The following ZNF500 variants were observed in gnomAD, a reference collection of about 807,000 sequenced individuals.
ZNF500 encodes zinc finger protein 500, also known as zinc finger protein with KRAB and SCAN domains 18.
ZNF500 carries 31 observed loss-of-function variants against 30.1 expected under a neutral mutation model. The ratio of observed to expected loss-of-function variants is 1.03; its 90% CI spans 0.77 to 1.39. The LOEUF (loss-of-function observed/expected upper bound fraction) is 1.39. Ranked by LOEUF, ZNF500 falls within the 40% of genes most tolerant of loss-of-function variation. ZNF500 has a pLI of 0.00. For missense variants in ZNF500, 817 were observed against 657.8 expected, an observed-to-expected ratio of 1.24 and a Z score of -2.65; for synonymous variants, 392 against 282.0, an observed-to-expected ratio of 1.39 and a Z score of -3.91.
chr16:4,753,969 G>A (rs2082111011), intron 5 of ZNF500, among the ~76,000 whole-genome samples: 1 of 152,350 alleles, frequency 6.6e-6, no homozygotes, highest in South Asian at 2.1e-4. Flanking sequence ...ACCACCAACA[G>A]GACAGGAGAA....
At chr16:4,746,944 C>A, downstream of ZNF500, 1 of 1,563,626 alleles carries the variant, frequency 6.4e-7, no homozygotes, top group Non-Finnish European at 8.6e-7. Context: ...CACAGCTCCT[C>A]TGACAGTGAG....
intron 4 of ZNF500, among the ~76,000 whole-genome samples, chr16:4,760,845 G>A (rs1016604190): frequency 1.3e-5 from 2 of 152,112 alleles, no homozygotes; most frequent in South Asian, 4.2e-4. Context: ...TGGACCCACT[G>A]CACACTCAGC....
chr16:4,754,516 T>C (rs1271751649), intron 5 of ZNF500, among the ~76,000 whole-genome samples: 1 of 151,640 alleles, frequency 6.6e-6, no homozygotes, highest in African/African-American at 2.4e-5. Context: ...ATAAAAAAAT[T>C]AGTTGGGGGT....
At chr16:4,760,836 G>A (rs2082190607) in intron 4 of ZNF500, among the ~76,000 whole-genome samples, 1 of 152,086 alleles carries the variant, frequency 6.6e-6, no homozygotes, top group South Asian at 2.1e-4. Context: ...GAGGAGTGGT[G>A]GACCCACTGC....
chr16:4,745,034 G>C (rs200245581), downstream of ZNF500: 8 of 1,608,168 alleles, frequency 5.0e-6, no homozygotes, highest in Middle Eastern at 1.6e-4. Flanking sequence ...GCCAGGCCCG[G>C]CTCCTGTGGT....
downstream of ZNF500, chr16:4,746,868 C>G (rs930633421): frequency 8.4e-5 from 121 of 1,437,890 alleles, no homozygotes; most frequent in Non-Finnish European, 1.0e-4. Flanking sequence ...CAAGCCCCAA[C>G]AAGAGTTGGA....
downstream of ZNF500, chr16:4,746,225 TA>T: frequency 1.2e-6 from 1 of 837,384 alleles, no homozygotes; most frequent in Non-Finnish European, 1.8e-6. Context: ...TTCTGAAGAG[TA>T]AAAGAGCAAA....
intron 2 of ZNF500, chr16:4,763,932 G>T (rs1030971767): frequency 3.0e-6 from 3 of 985,348 alleles, no homozygotes; most frequent in African/African-American, 3.5e-5. Flanking sequence ...AAGGCAGCTG[G>T]TCAGCACTGC....
chr16:4,751,160 C>T lies in ZNF500; in HGVS notation c.*1216G>A, dbSNP rs562157796. 10 of 163,022 alleles carry T rather than the reference C, an allele frequency of 6.1e-5. No homozygotes were observed. Among genetic ancestry groups the T allele is most frequent in the Admixed American group, 1.9e-4 (3 of 16,170 alleles). 10.1% of individuals were successfully genotyped at this position (163,022 alleles called of 1,614,324 possible). ...CCCAGTGGTTTCCATAGCTGCCCTACGACTTCCGAGATGACTAAACCCACC... is the reference window on the plus strand; with the variant it reads ...CCCAGTGGTTTCCATAGCTGCCCTATGACTTCCGAGATGACTAAACCCACC... On this transcript the variant is annotated 3_prime_UTR_variant, in exon 6 of 6. Transcript: ENST00000219478.
chr16:4,757,635 C>T (rs954852614), intron 5 of ZNF500, among the ~76,000 whole-genome samples: 1 of 151,926 alleles, frequency 6.6e-6, no homozygotes, highest in Admixed American at 6.6e-5. Flanking sequence ...CGGAGTCTTG[C>T]TCTGTTGCCC....
At chr16:4,762,483 G>C in intron 3 of ZNF500, 90 bp downstream of exon 3, 1 of 1,518,492 alleles carries the variant, frequency 6.6e-7, no homozygotes, top group Non-Finnish European at 8.8e-7. Flanking sequence ...CATCCAGGCA[G>C]GCCTCTGCCC....
At chr16:4,763,157 G>A (rs2082226279) in intron 2 of ZNF500, 2 of 982,294 alleles carry the variant, frequency 2.0e-6, no homozygotes, top group African/African-American at 1.8e-5. Flanking sequence ...CAGCACTTTG[G>A]GAGGCCGAGG....
downstream of ZNF500, chr16:4,746,803 C>A: frequency 2.1e-6 from 2 of 933,560 alleles, no homozygotes; most frequent in Non-Finnish European, 3.1e-6. Context: ...GTCCACCGGC[C>A]TCCAGTGTGG....
In ZNF500 at chr16:4,763,483, G is replaced by A. The variant is rs940383724; in HGVS notation, c.415-727C>T. On this transcript the variant is annotated intron_variant, in intron 2 of 5. Coordinates refer to ENST00000219478, the MANE Select transcript of ZNF500 (RefSeq NM_021646.4). ...TCTATTTCCTAATTCCAGGAAAGGT[G>A]AGTTGAATGAAATTGGGTCTTAGAA... is the stretch of plus-strand genomic sequence containing the variant. The A allele has an allele frequency of 6.8e-6, 6 of 879,072 alleles. No homozygotes were observed. The African/African-American group carries it at 1.1e-4, about 16-fold the overall frequency. The allele number at this position is 879,072 out of a possible 1,614,324, so 54.5% of individuals were successfully genotyped here.
intron 5 of ZNF500, among the ~76,000 whole-genome samples, chr16:4,753,726 T>C (rs1444806692): frequency 2.0e-5 from 3 of 152,116 alleles, no homozygotes; most frequent in Non-Finnish European, 4.4e-5. Flanking sequence ...GGGAGGGGGT[T>C]GTAAATGGCC....
At chr16:4,760,439 A>T in intron 5 of ZNF500, 53 bp downstream of exon 5, 2 of 1,550,048 alleles carry the variant, frequency 1.3e-6, no homozygotes, top group East Asian at 2.3e-5. Flanking sequence ...CTGGTGCCTG[A>T]CAGTTCCTAT....
downstream of ZNF500, chr16:4,747,381 G>C: frequency 6.2e-7 from 1 of 1,608,358 alleles, no homozygotes; most frequent in South Asian, 1.1e-5. Flanking sequence ...CAGCAGCTCA[G>C]GGCCTTTCAG....
In ZNF500 at chr16:4,752,170, C is replaced by T; in HGVS notation, c.*206G>A. ...CACCTGTTCTGGCTGCCACTGGACACTCAGAGCCTGTCCTTGCCCTTGTTC... is the reference window on the plus strand; with the variant it reads ...CACCTGTTCTGGCTGCCACTGGACATTCAGAGCCTGTCCTTGCCCTTGTTC... On this transcript the variant is annotated 3_prime_UTR_variant, in exon 6 of 6. Coordinates refer to ENST00000219478, the MANE Select transcript of ZNF500 (RefSeq NM_021646.4). 7.1e-7 allele frequency: 1 copy of T among 1,400,160 alleles called. No individual in the cohort carries two copies. The highest frequency in any genetic ancestry group is 9.2e-7 in the Non-Finnish European group (1 of 1,082,986). 86.7% of individuals were successfully genotyped at this position (1,400,160 alleles called of 1,614,324 possible). A position where few individuals can be genotyped will look rare whatever the true frequency, so the allele number is the denominator to read the frequency against.
At chr16:4,759,442 A>C (rs1005157346) in intron 5 of ZNF500, among the ~76,000 whole-genome samples, 4 of 152,288 alleles carry the variant, frequency 2.6e-5, no homozygotes, top group African/African-American at 9.6e-5. Context: ...ATACACTTGT[A>C]CACCCACGTT....
Sources: gnomAD v4.1 joint callset for allele counts (sites outside exome capture counted in the v4.1 genomes callset) on GRCh38, gnomAD v4.1.1 for gene constraint, MANE v1.5 for transcripts, NCBI Gene and HGNC (gene_info 2026-07-23, HGNC 2026-07-21) for gene names.